DENND2B: variants seen among roughly 807,000 people sequenced by gnomAD.
DENND2B encodes DENN domain-containing protein 2B.
Under a neutral mutation model 116.0 loss-of-function variants are expected in DENND2B, and 32 were observed. The ratio of observed to expected loss-of-function variants is 0.28; its 90% confidence interval spans 0.21 to 0.37. The LOEUF (loss-of-function observed/expected upper bound fraction) is 0.37, where lower values mean the gene tolerates loss of function less well. DENND2B is among the 10% of genes least tolerant of loss of function. The pLI, the probability that DENND2B is intolerant of heterozygous loss-of-function variation, is 1.00. For missense variants in DENND2B, 1,276 were observed against 1,477.7 expected, an observed-to-expected ratio of 0.86 and a Z score of 2.24; for synonymous variants, 588 against 583.9, an observed-to-expected ratio of 1.01 and a Z score of -0.10.
chr11:8,857,312 T>C (rs1282892654), intron 3 of DENND2B: 1 of 152,154 alleles, frequency 6.6e-6, no homozygotes, highest in Non-Finnish European at 1.5e-5. Flanking sequence ...CAGAAATAAC[T>C]AAAATGATAC....
intron 1 of DENND2B, among the ~76,000 whole-genome samples, chr11:8,886,529 A>G (rs1282258191): frequency 6.6e-6 from 1 of 151,906 alleles, no homozygotes; most frequent in East Asian, 1.9e-4. Context: ...CTGGCAGGAA[A>G]TGCTTTGGAG....
upstream of DENND2B, chr11:8,811,361 G>C: frequency 2.5e-6 from 1 of 398,514 alleles, no homozygotes; most frequent in East Asian, 3.6e-5. Flanking sequence ...AAGACAACTC[G>C]GTCAGGACCA....
chr11:8,758,677 C>T (rs979994738), intron 1 of DENND2B, among the ~76,000 whole-genome samples: 1 of 152,212 alleles, frequency 6.6e-6, no homozygotes, highest in Admixed American at 6.5e-5. Flanking sequence ...TTTACCATCA[C>T]TGTGTGCACT....
chr11:8,735,574 G>A (rs2048882010), intron 2 of DENND2B, among the ~76,000 whole-genome samples: 1 of 152,266 alleles, frequency 6.6e-6, no homozygotes, highest in African/African-American at 2.4e-5. Flanking sequence ...CCACTGCCCT[G>A]GCCTTCCTTC....
intron 1 of DENND2B, among the ~76,000 whole-genome samples, chr11:8,800,960 T>C (rs984875846): frequency 6.6e-6 from 1 of 151,682 alleles, no homozygotes; most frequent in South Asian, 2.1e-4. Context: ...AGGCTATCTC[T>C]TGGGAAGATG....
chr11:8,861,855 AG>A (rs2063403782), intron 2 of DENND2B, among the ~76,000 whole-genome samples: 1 of 152,218 alleles, frequency 6.6e-6, no homozygotes, highest in Admixed American at 6.5e-5. Context: ...CCATAAAAAA[AG>A]AATGAAATAA....
At chr11:8,750,765 G>A in intron 1 of DENND2B, 40 bp from the exon 2 acceptor site, 1 of 1,581,888 alleles carries the variant, frequency 6.3e-7, no homozygotes, top group Non-Finnish European at 8.7e-7. Context: ...GTTTCTATAG[G>A]CAGCCAAAAG....
intron 2 of DENND2B, among the ~76,000 whole-genome samples, chr11:8,736,115 T>C (rs938209203): frequency 9.9e-5 from 15 of 152,210 alleles, no homozygotes; most frequent in Non-Finnish European, 5.9e-5. Context: ...TAGCCTTCTC[T>C]GCATCTGAAC....
intron 4 of DENND2B, among the ~76,000 whole-genome samples, chr11:8,817,140 C>A (rs2061596918): frequency 6.6e-6 from 1 of 152,176 alleles, no homozygotes; most frequent in African/African-American, 2.4e-5. Flanking sequence ...CTGCTGAGGT[C>A]CTTGCTCAGA....
At chr11:8,778,274 A>G (rs1212440576) in intron 1 of DENND2B, among the ~76,000 whole-genome samples, 2 of 152,218 alleles carry the variant, frequency 1.3e-5, no homozygotes, top group Non-Finnish European at 2.9e-5. Context: ...TGGCATCCAG[A>G]CAGTATCACT....
At chr11:8,769,323 T>G (rs1006998866) in intron 1 of DENND2B, among the ~76,000 whole-genome samples, 1 of 151,552 alleles carries the variant, frequency 6.6e-6, no homozygotes, top group Non-Finnish European at 1.5e-5. Flanking sequence ...CCGCAACCTC[T>G]GCTTCCCAGG....
intron 2 of DENND2B, among the ~76,000 whole-genome samples, chr11:8,880,044 T>C (rs1418035889): frequency 6.6e-6 from 1 of 152,200 alleles, no homozygotes; most frequent in Non-Finnish European, 1.5e-5. Context: ...ATCTACTCTA[T>C]TGCTAACTAA....
intron 17 of DENND2B, among the ~76,000 whole-genome samples, chr11:8,697,146 T>C (rs530301037): frequency 9.8e-5 from 15 of 152,336 alleles, no homozygotes; most frequent in African/African-American, 3.1e-4. Flanking sequence ...GTTCTGAACA[T>C]GGAAGTTGAA....
At chr11:8,824,641 T>C (rs2061901709) in intron 4 of DENND2B, among the ~76,000 whole-genome samples, 2 of 152,152 alleles carry the variant, frequency 1.3e-5, no homozygotes, top group Non-Finnish European at 2.9e-5. Context: ...CTATTGTGAA[T>C]AGTGTTGCAA....
intron 3 of DENND2B, among the ~76,000 whole-genome samples, chr11:8,843,342 TA>T (rs2062692604): frequency 6.6e-6 from 1 of 152,080 alleles, no homozygotes. Flanking sequence ...CTAAAGGCCC[TA>T]ATTGAGCATG....
intron 1 of DENND2B, among the ~76,000 whole-genome samples, chr11:8,794,407 CG>C (rs1483962887): frequency 6.6e-6 from 1 of 152,174 alleles, no homozygotes; most frequent in African/African-American, 2.4e-5. Flanking sequence ...CCTTCCACCC[CG>C]GGGACAGCAC....
chr11:8,889,130 T>C (rs1221038506), intron 1 of DENND2B, among the ~76,000 whole-genome samples: 2 of 152,240 alleles, frequency 1.3e-5, no homozygotes, highest in Non-Finnish European at 2.9e-5. Flanking sequence ...TATAAACCCA[T>C]GTTCATAGCA....
intron 1 of DENND2B, chr11:8,808,586 A>C: frequency 6.6e-6 from 1 of 152,238 alleles, no homozygotes; most frequent in East Asian, 1.9e-4. Context: ...AAATGCAGAA[A>C]GGAAGAAGGC....
chr11:8,800,254 C>T (rs1048236054), intron 1 of DENND2B, among the ~76,000 whole-genome samples: 11 of 152,050 alleles, frequency 7.2e-5, no homozygotes, highest in South Asian at 2.1e-4. Context: ...GCATTGTGTC[C>T]GGCCTTTACC....
Sources: allele counts gnomAD v4.1 joint callset (sites outside exome capture counted in the v4.1 genomes callset), GRCh38; gene constraint gnomAD v4.1.1; transcripts MANE v1.5; gene names NCBI Gene and HGNC (gene_info 2026-07-23, HGNC 2026-07-21).